Variants in PDCD1LG2 observed in about 807,000 individuals in gnomAD.
PDCD1LG2 encodes programmed cell death 1 ligand 2.
In PDCD1LG2, 32 loss-of-function variants were observed where a neutral mutation model predicts 28.2. The ratio of observed to expected loss-of-function variants is 1.13; its 90% CI spans 0.86 to 1.52. The LOEUF (loss-of-function observed/expected upper bound fraction) is 1.52. PDCD1LG2 is among the 40% of genes most tolerant of loss of function. PDCD1LG2 has a pLI of 0.00. For synonymous variants in PDCD1LG2, 116 were observed against 120.2 expected (o/e 0.97, Z 0.23); for missense variants, 385 against 323.8 (o/e 1.19, Z -1.45).
At chr9:5,519,395 G>C (rs1008598702) in intron 1 of PDCD1LG2, among the ~76,000 whole-genome samples, 12 of 152,144 alleles carry the variant, frequency 7.9e-5, no homozygotes, top group African/African-American at 2.4e-4. Flanking sequence ...GCTAACCCTG[G>C]GAGCGGCAGT....
intron 1 of PDCD1LG2, among the ~76,000 whole-genome samples, chr9:5,511,046 A>G (rs1820047967): frequency 6.6e-6 from 1 of 152,234 alleles, no homozygotes; most frequent in South Asian, 2.1e-4. Flanking sequence ...TATTTTCTGC[A>G]CCAAATATGT....
intron 5 of PDCD1LG2, among the ~76,000 whole-genome samples, chr9:5,558,044 GT>G (rs2129925057): frequency 6.6e-6 from 1 of 152,312 alleles, no homozygotes; most frequent in South Asian, 2.1e-4. Context: ...TGAGAGTGAT[GT>G]TATTTTGGCA....
chr9:5,556,996 A>G (rs1423498561), intron 4 of PDCD1LG2, among the ~76,000 whole-genome samples: 1 of 152,204 alleles, frequency 6.6e-6, no homozygotes, highest in Non-Finnish European at 1.5e-5. Flanking sequence ...GCCAATTGTA[A>G]TAATTCACAC....
chr9:5,533,787 C>G (rs1381183877), intron 2 of PDCD1LG2, among the ~76,000 whole-genome samples: 1 of 151,860 alleles, frequency 6.6e-6, no homozygotes, highest in East Asian at 1.9e-4. Context: ...ACTTTACTAA[C>G]ATATGTCCTG....
intron 2 of PDCD1LG2, among the ~76,000 whole-genome samples, chr9:5,527,837 CT>C (rs113822135): frequency 8.0e-5 from 12 of 150,638 alleles, no homozygotes; most frequent in Non-Finnish European, 1.6e-4. Context: ...TCTATTTTTT[CT>C]TTTTTTTTGA....
intron 2 of PDCD1LG2, among the ~76,000 whole-genome samples, chr9:5,533,695 T>C (rs1345170489): frequency 5.9e-5 from 9 of 152,064 alleles, no homozygotes; most frequent in Non-Finnish European, 1.3e-4. Flanking sequence ...ATACTTCTAG[T>C]GGCGTGTCCC....
chr9:5,530,017 A>G (rs7870226), intron 2 of PDCD1LG2, among the ~76,000 whole-genome samples: 69,210 of 144,226 alleles, frequency 0.48, 17,711 homozygotes, highest in African/African-American at 0.7. Context: ...ATTACGTGGC[A>G]AGTCTGAAAA....
At chr9:5,534,698 T>G (rs1820546040) in intron 2 of PDCD1LG2, 47 bp from the exon 3 acceptor site, 1 of 1,522,972 alleles carries the variant, frequency 6.6e-7, no homozygotes, top group Non-Finnish European at 8.9e-7. Flanking sequence ...AGAACTGGAA[T>G]GTAAAGTAAA....
chr9:5,511,217 C>T (rs1399994639), intron 1 of PDCD1LG2, among the ~76,000 whole-genome samples: 4 of 152,220 alleles, frequency 2.6e-5, no homozygotes, highest in Non-Finnish European at 4.4e-5. Flanking sequence ...CCTTTGTTTA[C>T]AAGCTATGCC....
chr9:5,535,004 C>G lies in PDCD1LG2; in HGVS notation c.315C>G (p.Ile105Met), dbSNP rs2129795869. ...AAGGACAGTACCAATGCATAATCAT[C>G]TATGGGGTCGCCTGGGACTACAAGT... Reference protein sequence around the residue: ...RDEGQYQCIIIYGVAWDYKYL... With the variant: ...RDEGQYQCIIMYGVAWDYKYL... The change falls in exon 3 of 7, where the codon ATC becomes ATG. Residue 105 changes from isoleucine to methionine, a missense_variant. Ile to Met is a conservative substitution (Grantham distance 10). Transcript: ENST00000397747. 1 of 1,613,736 alleles carries G rather than the reference C, an allele frequency of 6.2e-7. No homozygotes were observed.
At chr9:5,550,986 A>G (rs1816320091) in intron 4 of PDCD1LG2, among the ~76,000 whole-genome samples, 1 of 151,984 alleles carries the variant, frequency 6.6e-6, no homozygotes, top group Non-Finnish European at 1.5e-5. Flanking sequence ...AGCCATCATG[A>G]TCAGCCACAT....
chr9:5,522,443 T>C (rs1820293243), intron 1 of PDCD1LG2, 90 bp from the exon 2 acceptor site: 1 of 966,884 alleles, frequency 1.0e-6, no homozygotes, highest in East Asian at 2.5e-5. Flanking sequence ...CCCAAATGAT[T>C]TGTTATTCCC....
At chr9:5,547,936 C>CAA (rs1165268333) in intron 3 of PDCD1LG2, among the ~76,000 whole-genome samples, 36 of 60,638 alleles carry the variant, frequency 5.9e-4, no homozygotes, top group Non-Finnish European at 8.0e-4. Flanking sequence ...AACTCTGTCT[C>CAA]AAAAAAAAAA....
chr9:5,550,401 G>A (rs1486582979), intron 4 of PDCD1LG2, among the ~76,000 whole-genome samples: 2 of 152,164 alleles, frequency 1.3e-5, no homozygotes, highest in South Asian at 2.1e-4. Flanking sequence ...TTTCATCACC[G>A]AGTGCATATG....
At chr9:5,552,042 G>C (rs868713526) in intron 4 of PDCD1LG2, among the ~76,000 whole-genome samples, 7 of 152,278 alleles carry the variant, frequency 4.6e-5, no homozygotes, top group Middle Eastern at 3.4e-3. Context: ...TTCTTTGCCT[G>C]ATAGGGTGAC....
intron 4 of PDCD1LG2, among the ~76,000 whole-genome samples, chr9:5,553,291 T>G (rs1816374261): frequency 6.6e-6 from 1 of 152,196 alleles, no homozygotes; most frequent in South Asian, 2.1e-4. Context: ...TCTCACCTCA[T>G]GAAAGATGAA....
chr9:5,558,432 G>A (rs1158523309), intron 5 of PDCD1LG2, among the ~76,000 whole-genome samples: 1 of 152,122 alleles, frequency 6.6e-6, no homozygotes, highest in Non-Finnish European at 1.5e-5. Flanking sequence ...GGTTTCCTGG[G>A]TGGAGCCTGC....
chr9:5,570,770 T>A lies in PDCD1LG2; in HGVS notation c.*811T>A, dbSNP rs1816755257. 1 of 232,556 alleles carries A rather than the reference T, an allele frequency of 4.3e-6. No individual in the cohort carries two copies. Among genetic ancestry groups the A allele is most frequent in the Non-Finnish European group, 8.5e-6 (1 of 117,694 alleles). 14.4% of individuals were successfully genotyped at this position (232,556 alleles called of 1,614,324 possible). ...CTCATACGTTGTATCTGCAGCAATT[T>A]CAGATAAGTAGCTAAAATGGCCAAA... On this transcript the variant is annotated 3_prime_UTR_variant, in exon 7 of 7. Coordinates refer to ENST00000397747, the MANE Select transcript of PDCD1LG2 (RefSeq NM_025239.4).
intron 3 of PDCD1LG2, among the ~76,000 whole-genome samples, chr9:5,536,160 C>G (rs575186605): frequency 6.6e-6 from 1 of 152,148 alleles, no homozygotes; most frequent in Non-Finnish European, 1.5e-5. Flanking sequence ...ATATTGTGTT[C>G]GCCCTTATCC....
Sources: gnomAD v4.1 joint callset for allele counts (sites outside exome capture counted in the v4.1 genomes callset) on GRCh38, gnomAD v4.1.1 for gene constraint, MANE v1.5 for transcripts, NCBI Gene and HGNC (gene_info 2026-07-23, HGNC 2026-07-21) for gene names.